The following GLI3 variants were observed in gnomAD, a reference collection of about 807,000 sequenced individuals.
GLI3 encodes GLI family zinc finger 3.
GLI3 carries 20 observed loss-of-function variants against 100.8 expected under a neutral mutation model. That is an observed-to-expected ratio of 0.20 (90% CI 0.14 to 0.29). The LOEUF is 0.29. GLI3 is among the 10% of genes least tolerant of loss of function. The pLI, the probability that GLI3 is intolerant of heterozygous loss-of-function variation, is 1.00. For synonymous variants in GLI3, 938 were observed against 860.5 expected (o/e 1.09, Z -1.58); for missense variants, 2,040 against 2,128.5 (o/e 0.96, Z 0.82).
intron 2 of GLI3, among the ~76,000 whole-genome samples, chr7:42,198,894 ATAACT>A (rs1402874158): frequency 1.3e-5 from 2 of 151,864 alleles, no homozygotes; most frequent in Non-Finnish European, 2.9e-5. Context: ...TCAAAAACAC[ATAACT>A]TAAAATACTC....
intron 10 of GLI3, among the ~76,000 whole-genome samples, chr7:42,021,024 A>C (rs182200246): frequency 2.1e-3 from 327 of 152,332 alleles, no homozygotes; most frequent in Non-Finnish European, 3.5e-3. Flanking sequence ...CCTATTCTAT[A>C]ACAGGCCACC....
At chr7:41,974,074 G>A (rs1434793972) in intron 12 of GLI3, among the ~76,000 whole-genome samples, 6 of 152,190 alleles carry the variant, frequency 3.9e-5, no homozygotes, top group Non-Finnish European at 8.8e-5. Flanking sequence ...CAGGCAGACT[G>A]GGATATATGG....
chr7:42,048,078 C>G (rs542756327), intron 5 of GLI3, among the ~76,000 whole-genome samples: 13 of 152,164 alleles, frequency 8.5e-5, no homozygotes, highest in Non-Finnish European at 1.3e-4. Context: ...GAAAAGTGTT[C>G]ATCAGAAGGT....
At chr7:42,030,352 C>T (rs1789251498) in intron 7 of GLI3, among the ~76,000 whole-genome samples, 1 of 152,144 alleles carries the variant, frequency 6.6e-6, no homozygotes, top group African/African-American at 2.4e-5. Flanking sequence ...TGGAAGGTAA[C>T]CTATTCACAG....
chr7:42,260,457 T>C (rs1789126714), intron 1 of GLI3, among the ~76,000 whole-genome samples: 1 of 152,240 alleles, frequency 6.6e-6, no homozygotes, highest in Non-Finnish European at 1.5e-5. Context: ...TAAAAGAGTA[T>C]GTATGTATAC....
At chr7:42,260,895 G>A (rs1172780794) in intron 1 of GLI3, among the ~76,000 whole-genome samples, 2 of 151,818 alleles carry the variant, frequency 1.3e-5, no homozygotes, top group African/African-American at 4.8e-5. Flanking sequence ...GAGAAACTGG[G>A]TAGTTGGTGG....
intron 2 of GLI3, among the ~76,000 whole-genome samples, chr7:42,201,701 G>C (rs968489840): frequency 3.3e-5 from 5 of 152,176 alleles, no homozygotes; most frequent in South Asian, 2.1e-4. Flanking sequence ...AACCTGCATA[G>C]CATGTTACTA....
intron 3 of GLI3, chr7:42,113,733 T>G: frequency 1.6e-6 from 1 of 610,644 alleles, no homozygotes; most frequent in Admixed American, 2.2e-5. Flanking sequence ...TTAAGCTATG[T>G]TGTTAGCACA....
chr7:42,055,116 C>T (rs201510557), intron 4 of GLI3, among the ~76,000 whole-genome samples: 5,497 of 126,098 alleles, frequency 0.044, 313 homozygotes, highest in African/African-American at 0.15. Context: ...TATATATACA[C>T]ATATATATAC....
At chr7:42,197,369 T>C (rs761090569) in intron 2 of GLI3, among the ~76,000 whole-genome samples, 1 of 152,232 alleles carries the variant, frequency 6.6e-6, no homozygotes, top group African/African-American at 2.4e-5. Context: ...CGGCAGAAGT[T>C]ACAGAGTTCT....
Position 42,076,895 on chromosome 7 carries a change from C to T in GLI3, c.368-38G>A, listed in dbSNP as rs371217512. ...GAGAGCCCAATCTATATCAAATGAA[C>T]ACTTTCAAACAGCATTCCGATTCAC... On this transcript the variant is annotated intron_variant, in intron 3 of 14. Transcript: ENST00000395925. 3 of 1,176,796 alleles carry T rather than the reference C, an allele frequency of 2.5e-6. No homozygotes were observed. In the African/African-American group the frequency reaches 4.5e-5, roughly 18 times the overall value. The allele number at this position is 1,176,796 out of a possible 1,614,324, so 72.9% of individuals were successfully genotyped here. A position where few individuals can be genotyped will look rare whatever the true frequency, so the allele number is the denominator to read the frequency against.
chr7:42,201,579 C>T (rs1302679792), intron 2 of GLI3, among the ~76,000 whole-genome samples: 2 of 152,134 alleles, frequency 1.3e-5, no homozygotes, highest in East Asian at 1.9e-4. Flanking sequence ...GGAAATGTGT[C>T]GTTAGGCAAT....
intron 3 of GLI3, among the ~76,000 whole-genome samples, chr7:42,146,350 G>T (rs1361546014): frequency 6.6e-6 from 1 of 152,152 alleles, no homozygotes. Context: ...CACCGCTGAA[G>T]GAAGACAAGG....
At chr7:42,168,734 A>G (rs1478017785) in intron 2 of GLI3, among the ~76,000 whole-genome samples, 1 of 152,038 alleles carries the variant, frequency 6.6e-6, no homozygotes, top group African/African-American at 2.4e-5. Context: ...TGGGCAACAC[A>G]GCAAGACCCC....
chr7:41,975,415 T>C (rs776840254), intron 12 of GLI3, among the ~76,000 whole-genome samples: 5 of 152,244 alleles, frequency 3.3e-5, no homozygotes, highest in Non-Finnish European at 5.9e-5. Flanking sequence ...AACTTAGTTT[T>C]GATGCGTCTG....
At chr7:42,261,055 C>T (rs898228624) in intron 1 of GLI3, among the ~76,000 whole-genome samples, 16 of 152,234 alleles carry the variant, frequency 1.1e-4, no homozygotes, top group Non-Finnish European at 2.2e-4. Flanking sequence ...GTTTAATTGG[C>T]CTACAGTTCT....
intron 3 of GLI3, among the ~76,000 whole-genome samples, chr7:42,110,063 A>C (rs1296194337): frequency 6.6e-6 from 1 of 152,226 alleles, no homozygotes; most frequent in African/African-American, 2.4e-5. Context: ...AGCAAGAATC[A>C]TGACTGATGC....
At chr7:42,056,089 T>G (rs1391125186) in intron 4 of GLI3, among the ~76,000 whole-genome samples, 1 of 152,206 alleles carries the variant, frequency 6.6e-6, no homozygotes, top group African/African-American at 2.4e-5. Flanking sequence ...TCTTCCACCA[T>G]GATTGTGAGG....
At position 42,028,904 on chromosome 7, in the gene GLI3, G is replaced by A. The variant is rs1009073285; in HGVS notation, c.1029-2492C>T. Among the ~76,000 whole-genome samples, 6 of 152,166 alleles carry A rather than the reference G, an allele frequency of 3.9e-5. No homozygotes were observed. In the South Asian group the frequency reaches 1.2e-3, roughly 31 times the overall value. On this transcript the variant is annotated intron_variant, in intron 7 of 14. Coordinates refer to ENST00000395925, the MANE Select transcript of GLI3 (RefSeq NM_000168.6). ...GTCTACGATCCTCCTTGTCCTCGGG[G>A]AGCAGGGGTAGGGGTTCTGAAAGCT...
Sources: gnomAD v4.1 joint callset for allele counts (sites outside exome capture counted in the v4.1 genomes callset) on GRCh38, gnomAD v4.1.1 for gene constraint, MANE v1.5 for transcripts, NCBI Gene and HGNC (gene_info 2026-07-23, HGNC 2026-07-21) for gene names.